Variants in TESK2 observed in about 807,000 individuals in gnomAD.
TESK2 encodes the protein testis associated actin remodelling kinase 2, also known as dual specificity testis-specific protein kinase 2.
TESK2 carries 39 observed loss-of-function variants against 57.1 expected under a neutral mutation model. The observed-to-expected ratio is 0.68, with a 90% CI of 0.53 to 0.89. The LOEUF (loss-of-function observed/expected upper bound fraction) is 0.89. Among genes scored for constraint, TESK2 ranks in the 40% least tolerant of loss-of-function variants. TESK2 has a pLI of 0.00. For missense variants in TESK2, 646 were observed against 732.1 expected (o/e 0.88, Z 1.36); for synonymous variants, 249 against 267.9 (o/e 0.93, Z 0.69).
intron 1 of TESK2, among the ~76,000 whole-genome samples, chr1:45,476,586 A>G (rs1364849610): frequency 2.4e-4 from 36 of 150,800 alleles, no homozygotes; most frequent in Admixed American, 1.8e-3. Flanking sequence ...GGTGGCTCAC[A>G]CCTGTAATCC....
intron 1 of TESK2, among the ~76,000 whole-genome samples, chr1:45,482,583 C>A (rs188393605): frequency 7.2e-5 from 10 of 138,784 alleles, no homozygotes; most frequent in Admixed American, 5.6e-4. Flanking sequence ...AGATCTGCAG[C>A]AGTAGTGGTC....
chr1:45,382,866 C>T (rs575526060), intron 4 of TESK2, among the ~76,000 whole-genome samples: 110 of 151,368 alleles, frequency 7.3e-4, no homozygotes, highest in Non-Finnish European at 1.4e-3. Flanking sequence ...GAAACTCCGT[C>T]CCCCCAAAAA....
intron 4 of TESK2, among the ~76,000 whole-genome samples, chr1:45,361,869 G>T (rs775461599): frequency 6.6e-6 from 1 of 152,162 alleles, no homozygotes. Context: ...CAGGCACAGT[G>T]GCTCTCGCCT....
At chr1:45,487,864 C>G (rs1331063194) in intron 1 of TESK2, among the ~76,000 whole-genome samples, 2 of 151,954 alleles carry the variant, frequency 1.3e-5, no homozygotes, top group Admixed American at 6.6e-5. Context: ...GGCCCCATTA[C>G]AAATATATTA....
chr1:45,467,705 A>G (rs905233999), intron 1 of TESK2, among the ~76,000 whole-genome samples: 2 of 152,072 alleles, frequency 1.3e-5, no homozygotes, highest in African/African-American at 4.8e-5. Context: ...AACATTGATA[A>G]CAATTTGGCA....
In TESK2 at chr1:45,432,462, C is replaced by T. The variant is rs575744740; in HGVS notation, c.223-10616G>A. ...ATCCCAGCACTTTTGGAGGCCGAGG[C>T]GGGCAGATCACAAGGTCAGGAGATC... On this transcript the variant is annotated intron_variant, in intron 2 of 10. Coordinates refer to ENST00000372086, the MANE Select transcript of TESK2 (RefSeq NM_007170.3). Among the ~76,000 whole-genome samples the T allele has an allele frequency of 1.6e-4, 25 of 151,690 alleles. No homozygotes were observed. The East Asian group carries it at 3.0e-3, about 18-fold the overall frequency.
chr1:45,381,080 T>A (rs1367012493), intron 4 of TESK2, among the ~76,000 whole-genome samples: 1 of 152,226 alleles, frequency 6.6e-6, no homozygotes, highest in East Asian at 1.9e-4. Flanking sequence ...AGAAATAAGA[T>A]TATAGCATTG....
chr1:45,469,294 C>G (rs565035412), intron 1 of TESK2, among the ~76,000 whole-genome samples: 2 of 152,330 alleles, frequency 1.3e-5, no homozygotes, highest in East Asian at 1.9e-4. Flanking sequence ...TCAGACCACA[C>G]TCCTGTCTGA....
At chr1:45,447,271 T>G (rs1651680801) in intron 2 of TESK2, among the ~76,000 whole-genome samples, 1 of 152,210 alleles carries the variant, frequency 6.6e-6, no homozygotes, top group South Asian at 2.1e-4. Context: ...CAGTAACACT[T>G]AGCTTAAAAC....
chr1:45,381,263 G>A (rs1023921761), intron 4 of TESK2, among the ~76,000 whole-genome samples: 3 of 152,164 alleles, frequency 2.0e-5, no homozygotes, highest in African/African-American at 7.2e-5. Context: ...GGGCATGGTT[G>A]ATTGTCAAAG....
At chr1:45,367,105 G>T (rs1647953387) in intron 4 of TESK2, among the ~76,000 whole-genome samples, 1 of 152,022 alleles carries the variant, frequency 6.6e-6, no homozygotes, top group African/African-American at 2.4e-5. Flanking sequence ...CTGCACCCCA[G>T]CCTGGGCATT....
intron 2 of TESK2, among the ~76,000 whole-genome samples, chr1:45,454,116 A>G (rs1169234593): frequency 6.6e-6 from 1 of 152,192 alleles, no homozygotes; most frequent in African/African-American, 2.4e-5. Flanking sequence ...GTGGGTCCTC[A>G]AAAAGTTAAA....
chr1:45,387,527 C>T (rs1338387896), intron 3 of TESK2, among the ~76,000 whole-genome samples: 2 of 152,072 alleles, frequency 1.3e-5, no homozygotes, highest in African/African-American at 4.8e-5. Flanking sequence ...TAAGGCACAG[C>T]AGTGACTGTG....
intron 2 of TESK2, among the ~76,000 whole-genome samples, chr1:45,437,203 T>C (rs1202736793): frequency 6.6e-6 from 1 of 152,212 alleles, no homozygotes; most frequent in East Asian, 1.9e-4. Flanking sequence ...AAGATATCTT[T>C]CTATTTTTTT....
chr1:45,445,481 C>T (rs904643348), intron 2 of TESK2, among the ~76,000 whole-genome samples: 2 of 151,902 alleles, frequency 1.3e-5, no homozygotes, highest in African/African-American at 4.8e-5. Flanking sequence ...AAAATTAAAA[C>T]TCAAAGTAGA....
At chr1:45,356,383 T>C (rs968463896) in intron 4 of TESK2, among the ~76,000 whole-genome samples, 1 of 152,042 alleles carries the variant, frequency 6.6e-6, no homozygotes, top group Non-Finnish European at 1.5e-5. Context: ...CCTGTAATCC[T>C]AGAACTTTGA....
intron 1 of TESK2, among the ~76,000 whole-genome samples, chr1:45,466,650 A>AAAT (rs1257483316): frequency 3.1e-4 from 46 of 148,816 alleles, no homozygotes; most frequent in South Asian, 6.3e-4. Flanking sequence ...ACTCTATCTC[A>AAAT]AATAATAATA....
At chr1:45,471,126 G>A (rs1299102868) in intron 1 of TESK2, among the ~76,000 whole-genome samples, 2 of 152,028 alleles carry the variant, frequency 1.3e-5, no homozygotes, top group Non-Finnish European at 2.9e-5. Flanking sequence ...AGCTACTCAG[G>A]AGGCTGAGGC....
At chr1:45,359,794 G>C (rs1008750948) in intron 4 of TESK2, among the ~76,000 whole-genome samples, 7 of 152,204 alleles carry the variant, frequency 4.6e-5, no homozygotes, top group African/African-American at 1.7e-4. Context: ...AACCTTGGAG[G>C]CAGAGGTTGC....
Sources: allele counts gnomAD v4.1 joint callset (sites outside exome capture counted in the v4.1 genomes callset), GRCh38; gene constraint gnomAD v4.1.1; transcripts MANE v1.5; gene names NCBI Gene and HGNC (gene_info 2026-07-23, HGNC 2026-07-21).